Variants in USP7 observed in about 807,000 individuals in gnomAD.
The protein encoded by USP7 is ubiquitin specific peptidase 7.
In USP7, 9 loss-of-function variants were observed where a neutral mutation model predicts 162.9. That is an observed-to-expected ratio of 0.06 (90% CI 0.03 to 0.10). The LOEUF is 0.10. Among genes scored for constraint, USP7 ranks in the 10% least tolerant of loss-of-function variants. The probability of loss-of-function intolerance (pLI) is 1.00; values close to 1 mark genes in which losing one functional copy is unlikely to be tolerated. For missense variants in USP7, 715 were observed against 1,373.7 expected (o/e 0.52, Z 7.58); for synonymous variants, 562 against 475.9 (o/e 1.18, Z -2.35).
At chr16:8,954,214 C>G (rs1407923234) in intron 1 of USP7, among the ~76,000 whole-genome samples, 1 of 147,754 alleles carries the variant, frequency 6.8e-6, no homozygotes, top group Non-Finnish European at 1.5e-5. Context: ...GTGCCCCCTG[C>G]GGCGCCACTG....
intron 12 of USP7, among the ~76,000 whole-genome samples, chr16:8,907,662 T>C (rs542864072): frequency 6.6e-6 from 1 of 152,116 alleles, no homozygotes; most frequent in African/African-American, 2.4e-5. Context: ...GCCAGCATAG[T>C]GAAACCCTGT....
chr16:8,962,892 T>G (rs1292372412), intron 1 of USP7: 1 of 160,516 alleles, frequency 6.2e-6, no homozygotes, highest in Non-Finnish European at 1.4e-5. Flanking sequence ...CCTCCCAACC[T>G]GGGTGAGAAA....
intron 1 of USP7, among the ~76,000 whole-genome samples, chr16:8,957,852 T>A (rs954458368): frequency 6.6e-6 from 1 of 152,170 alleles, no homozygotes; most frequent in Admixed American, 6.5e-5. Flanking sequence ...CAGTTATTTA[T>A]GAAAGTCTAT....
At chr16:8,921,090 T>A (rs1897668091) in intron 4 of USP7, 67 bp downstream of exon 4, 5 of 1,516,416 alleles carry the variant, frequency 3.3e-6, no homozygotes, top group Non-Finnish European at 4.4e-6. Flanking sequence ...ACTTGAAAAA[T>A]CAAAAAGTTA....
rs1253633816 is a variant in USP7 at position 8,963,214 on chromosome 16, C to T, written c.72G>A (p.Glu24=). Residue 24 remains glutamate (E), a synonymous_variant, in exon 1 of 31, where the codon GAG becomes GAA. Transcript: ENST00000344836. ...CCGGCCCTCGGGCCTCACCTTCCAT[C>T]TCCATGTCCTCGGGCTCGCTCAACT... ...EQQLSEPEDM[E]MEAGDTDDPP... The T allele has an allele frequency of 2.1e-6, 3 of 1,417,780 alleles. No homozygotes were observed. Among genetic ancestry groups the T allele is most frequent in the African/African-American group, 1.5e-5 (1 of 66,306 alleles). 87.8% of individuals were successfully genotyped at this position (1,417,780 alleles called of 1,614,324 possible).
In USP7 at chr16:8,930,342, A is replaced by G; in HGVS notation, c.135T>C (p.Asn45=). 1.9e-6 allele frequency: 3 copies of G among 1,613,640 alleles called. No individual in the cohort carries two copies. The highest frequency in any genetic ancestry group is 2.5e-6 in the Non-Finnish European group (3 of 1,179,800). ...TGTTGTGTCCATCACTCAGGGCCACATTCCCATTGATCACAGGGTTCTGAG... is the reference window on the plus strand; with the variant it reads ...TGTTGTGTCCATCACTCAGGGCCACGTTCCCATTGATCACAGGGTTCTGAG... ...RITQNPVING[N]VALSDGHNTA... Residue 45 remains asparagine (N), a synonymous_variant, in exon 2 of 31, where the codon AAT becomes AAC. Transcript: ENST00000344836.
chr16:8,902,322 G>A (rs2061787269), intron 17 of USP7, 59 bp downstream of exon 17: 2 of 1,589,116 alleles, frequency 1.3e-6, no homozygotes, highest in Non-Finnish European at 1.7e-6. Context: ...TGCACTAAGT[G>A]CAGAGGACTA....
chr16:8,928,031 T>C (rs746104999), intron 2 of USP7, among the ~76,000 whole-genome samples: 6 of 152,100 alleles, frequency 3.9e-5, no homozygotes, highest in East Asian at 1.9e-4. Context: ...TCATGAAAAA[T>C]AGTGAATAAG....
rs1295771114 is a variant in USP7 at position 8,911,281 on chromosome 16, AC to A, written c.1079-455del. 3.3e-5 allele frequency among the ~76,000 whole-genome samples: 5 copies of A among 152,176 alleles called. No individual in the cohort carries two copies. In the East Asian group the frequency reaches 9.7e-4, roughly 29 times the overall value. On this transcript the variant is annotated intron_variant, in intron 10 of 30. Coordinates refer to ENST00000344836, the MANE Select transcript of USP7 (RefSeq NM_003470.3). ...TGGAAGTTGGTCCTGACATCTCCCCACCCCCACCTGTTCCAGGTGGATTGTA... is the reference window on the plus strand; with the variant it reads ...TGGAAGTTGGTCCTGACATCTCCCCACCCCACCTGTTCCAGGTGGATTGTA...
intron 2 of USP7, among the ~76,000 whole-genome samples, chr16:8,926,785 C>T (rs1172655838): frequency 6.6e-6 from 1 of 152,204 alleles, no homozygotes; most frequent in Non-Finnish European, 1.5e-5. Context: ...TTCATTACCG[C>T]ATGCTTCTTT....
intron 1 of USP7, among the ~76,000 whole-genome samples, chr16:8,944,099 C>T (rs1301762757): frequency 6.6e-6 from 1 of 152,096 alleles, no homozygotes; most frequent in Non-Finnish European, 1.5e-5. Flanking sequence ...CATAATACAT[C>T]AAGTATATAA....
intron 30 of USP7, 58 bp downstream of exon 30, chr16:8,894,492 A>G: frequency 6.4e-7 from 1 of 1,571,204 alleles, no homozygotes. Flanking sequence ...CCAGCCCCAG[A>G]CCACTTGTTT....
intron 1 of USP7, among the ~76,000 whole-genome samples, chr16:8,961,356 G>C (rs1900000283): frequency 6.6e-6 from 1 of 152,000 alleles, no homozygotes; most frequent in Admixed American, 6.6e-5. Context: ...GCCAGGCGTG[G>C]TTGCACATGG....
rs774911135 is a variant in USP7 at position 8,916,487 on chromosome 16, T to C, written c.906+15A>G. ...ATTCATTGTAAGAAATATACAAGTA[T>C]TGCTTGAAACTTACCACTCGACAAA... is the stretch of plus-strand genomic sequence containing the variant. On this transcript the variant is annotated intron_variant, in intron 8 of 30. Transcript: ENST00000344836. 12 of 1,605,344 alleles carry C rather than the reference T, an allele frequency of 7.5e-6. No homozygotes were observed. Among genetic ancestry groups the C allele is most frequent in the Admixed American group, 6.9e-5 (4 of 57,830 alleles).
rs763721668 is a variant in USP7, at chr16:8,916,507, G to T, written c.901C>A (p.Arg301=). Residue 301 remains arginine (R), a synonymous_variant, in exon 8 of 31, where the codon CGA becomes AGA. Coordinates refer to ENST00000344836, the MANE Select transcript of USP7 (RefSeq NM_003470.3). ...FMQHDVQELC[R]VLLDNVENKM... ...AAGTATTGCTTGAAACTTACCACTC[G>T]ACAAAGCTCCTGAACATCATGTTGC... The T allele has an allele frequency of 6.2e-7, 1 of 1,609,208 alleles. No individual in the cohort carries two copies. Among genetic ancestry groups the T allele is most frequent in the South Asian group, 1.1e-5 (1 of 89,802 alleles).
At chr16:8,901,708 T>C (rs1414066677) in intron 18 of USP7, among the ~76,000 whole-genome samples, 1 of 152,232 alleles carries the variant, frequency 6.6e-6, no homozygotes, top group Non-Finnish European at 1.5e-5. Flanking sequence ...TTCATTTATA[T>C]AGTCTTTGTG....
At chr16:8,906,362 C>A in intron 13 of USP7, 64 bp downstream of exon 13, 1 of 1,569,474 alleles carries the variant, frequency 6.4e-7, no homozygotes, top group East Asian at 2.3e-5. Flanking sequence ...CCAGAACAGG[C>A]TGAAGCAGAG....
chr16:8,927,505 C>T (rs925559751), intron 2 of USP7, among the ~76,000 whole-genome samples: 6 of 152,090 alleles, frequency 3.9e-5, no homozygotes, highest in African/African-American at 7.2e-5. Flanking sequence ...TGGAGAACAA[C>T]ATTCTAAATC....
intron 26 of USP7, among the ~76,000 whole-genome samples, chr16:8,896,137 CTTTTTTTTTTT>C (rs60467243): frequency 7.9e-6 from 1 of 126,106 alleles, no homozygotes; most frequent in East Asian, 2.3e-4. Context: ...CCATGCCCAG[CTTTTTTTTTTT>C]TTTTTTTTTT....
Sources: gnomAD v4.1 joint callset for allele counts (sites outside exome capture counted in the v4.1 genomes callset) on GRCh38, gnomAD v4.1.1 for gene constraint, MANE v1.5 for transcripts, NCBI Gene and HGNC (gene_info 2026-07-23, HGNC 2026-07-21) for gene names.